The following ACKR2 variants were observed in gnomAD, a reference collection of about 807,000 sequenced individuals.
ACKR2 encodes the protein atypical chemokine receptor 2.
For synonymous variants in ACKR2, 207 were observed against 192.2 expected (o/e 1.08, Z -0.64); for missense variants, 457 against 477.3 (o/e 0.96, Z 0.40).
At chr3:42,811,462 C>T (rs1226676325) in intron 1 of ACKR2, among the ~76,000 whole-genome samples, 1 of 152,172 alleles carries the variant, frequency 6.6e-6, no homozygotes, top group Non-Finnish European at 1.5e-5. Flanking sequence ...CTCGATTAAC[C>T]AGGGGCATAA....
Position 42,809,513 on chromosome 3 carries a change from G to A in ACKR2, c.-138G>A, listed in dbSNP as rs1700672329. ...CCTTTCTGGAATGGAGGTCTTATGA[G>A]CTGCTATTGAACACGGCAGGTGAGA... On this transcript the variant is annotated 5_prime_UTR_variant, in exon 1 of 3. Coordinates refer to ENST00000422265, the MANE Select transcript of ACKR2 (RefSeq NM_001296.5). 1 of 152,194 alleles carries A rather than the reference G, an allele frequency of 6.6e-6. No individual in the cohort carries two copies. The highest frequency in any genetic ancestry group is 1.5e-5 in the Non-Finnish European group (1 of 68,056). The allele number at this position is 152,194 out of a possible 1,614,324, so 9.4% of individuals were successfully genotyped here.
chr3:42,844,325 T>C (rs1701070511), intron 2 of ACKR2, among the ~76,000 whole-genome samples: 1 of 152,170 alleles, frequency 6.6e-6, no homozygotes, highest in Non-Finnish European at 1.5e-5. Flanking sequence ...GTGGTTGGAC[T>C]TAATCCCCCA....
At chr3:42,819,946 A>C (rs758772096) in intron 2 of ACKR2, among the ~76,000 whole-genome samples, 2 of 152,174 alleles carry the variant, frequency 1.3e-5, no homozygotes, top group Admixed American at 6.5e-5. Flanking sequence ...TGGTCTGCTA[A>C]TTCTGTGAGA....
intron 2 of ACKR2, among the ~76,000 whole-genome samples, chr3:42,863,040 G>C (rs963986996): frequency 6.6e-6 from 1 of 152,172 alleles, no homozygotes; most frequent in African/African-American, 2.4e-5. Context: ...CTTCTGCACA[G>C]CAAAATAAAC....
chr3:42,823,258 TG>T (rs1201416467), intron 2 of ACKR2, among the ~76,000 whole-genome samples: 1 of 152,192 alleles, frequency 6.6e-6, no homozygotes, highest in East Asian at 1.9e-4. Context: ...TTTTTCCTTT[TG>T]TTTCTTACAG....
intron 2 of ACKR2, among the ~76,000 whole-genome samples, chr3:42,833,988 GT>G (rs1388393411): frequency 2.6e-5 from 4 of 152,020 alleles, no homozygotes; most frequent in African/African-American, 7.2e-5. Flanking sequence ...TTGAGACAGA[GT>G]TTCGCTCTTG....
At chr3:42,835,493 C>T (rs973538883) in intron 2 of ACKR2, 1 of 152,050 alleles carries the variant, frequency 6.6e-6, no homozygotes, top group African/African-American at 2.4e-5. Context: ...GCTGGAAGTA[C>T]GTTCTTCAGT....
intron 2 of ACKR2, chr3:42,841,664 A>G (rs1219841252): frequency 6.6e-6 from 1 of 152,308 alleles, no homozygotes; most frequent in Non-Finnish European, 1.5e-5. Flanking sequence ...ACCCAGAAAT[A>G]CACACAGGAA....
At chr3:42,840,726 C>T (rs941009362) in intron 2 of ACKR2, among the ~76,000 whole-genome samples, 1 of 152,152 alleles carries the variant, frequency 6.6e-6, no homozygotes. Flanking sequence ...CTCGCTCTGT[C>T]GCCCAGGCTG....
chr3:42,845,556 G>A (rs571214589), intron 2 of ACKR2, among the ~76,000 whole-genome samples: 1 of 152,206 alleles, frequency 6.6e-6, no homozygotes, highest in African/African-American at 2.4e-5. Context: ...TGGAGACGGG[G>A]TTTCACTGTG....
At chr3:42,817,510 A>G (rs1018584564) in intron 1 of ACKR2, among the ~76,000 whole-genome samples, 1 of 152,010 alleles carries the variant, frequency 6.6e-6, no homozygotes. Flanking sequence ...TCTGGATTCC[A>G]TCATTTTTTG....
chr3:42,812,772 C>T (rs953554980), intron 1 of ACKR2, among the ~76,000 whole-genome samples: 1 of 134,224 alleles, frequency 7.5e-6, no homozygotes, highest in Non-Finnish European at 1.6e-5. Context: ...CTTCAACCTC[C>T]ACCTCCCAGG....
At chr3:42,851,729 C>T (rs535341866) in intron 2 of ACKR2, among the ~76,000 whole-genome samples, 1 of 152,306 alleles carries the variant, frequency 6.6e-6, no homozygotes, top group East Asian at 1.9e-4. Flanking sequence ...GGTTCTCCAA[C>T]CTGGCTGGGG....
chr3:42,826,743 A>G (rs1240382279), intron 2 of ACKR2, among the ~76,000 whole-genome samples: 2 of 151,954 alleles, frequency 1.3e-5, no homozygotes, highest in African/African-American at 2.4e-5. Context: ...TTGTACTCCA[A>G]TATTTATTTT....
chr3:42,859,440 G>T (rs570521916), intron 2 of ACKR2, among the ~76,000 whole-genome samples: 9 of 151,408 alleles, frequency 5.9e-5, no homozygotes, highest in African/African-American at 1.9e-4. Context: ...GTGCAGTGGC[G>T]CGGTCTTGGC....
intron 2 of ACKR2, 69 bp from the exon 3 acceptor site, chr3:42,864,397 G>C (rs2088412475): frequency 1.4e-6 from 2 of 1,407,068 alleles, no homozygotes; most frequent in Non-Finnish European, 1.9e-6. Context: ...GGACATCCCA[G>C]GGCAGCAGCA....
chr3:42,854,977 C>T (rs995381392), intron 2 of ACKR2, among the ~76,000 whole-genome samples: 10 of 151,986 alleles, frequency 6.6e-5, no homozygotes, highest in African/African-American at 2.4e-4. Context: ...CTACCTCAGC[C>T]TCCCAAGTAG....
Position 42,866,216 on chromosome 3 carries a change from G to C in ACKR2, c.*559G>C, listed in dbSNP as rs1346032506. On this transcript the variant is annotated 3_prime_UTR_variant, in exon 3 of 3. Transcript: ENST00000422265. Reference sequence around the variant, plus strand: ...TTTGAGACGGAGTCTCACTCTTGTTGCCCAGGCTGGACAACAATGGCGCGA... The same window carrying C: ...TTTGAGACGGAGTCTCACTCTTGTTCCCCAGGCTGGACAACAATGGCGCGA... 2 of 101,878 alleles carry C rather than the reference G, an allele frequency of 2.0e-5. No individual in the cohort carries two copies. The highest frequency in any genetic ancestry group is 7.8e-5 in the African/African-American group (2 of 25,522). The allele number at this position is 101,878 out of a possible 1,614,324, so 6.3% of individuals were successfully genotyped here. A position where few individuals can be genotyped will look rare whatever the true frequency, so the allele number is the denominator to read the frequency against.
At chr3:42,859,076 A>G (rs2088352725) in intron 2 of ACKR2, among the ~76,000 whole-genome samples, 1 of 152,172 alleles carries the variant, frequency 6.6e-6, no homozygotes, top group African/African-American at 2.4e-5. Context: ...TGACGGAGGG[A>G]ATGGAACCAA....
Sources: gnomAD v4.1 joint callset for allele counts (sites outside exome capture counted in the v4.1 genomes callset) on GRCh38, gnomAD v4.1.1 for gene constraint, MANE v1.5 for transcripts, NCBI Gene and HGNC (gene_info 2026-07-23, HGNC 2026-07-21) for gene names.